SDC1: variants seen among roughly 807,000 people sequenced by gnomAD.
SDC1 encodes the protein syndecan-1.
In SDC1, 14 loss-of-function variants were observed where a neutral mutation model predicts 29.7. That is an observed-to-expected ratio of 0.47 (90% confidence interval 0.31 to 0.74). The LOEUF (loss-of-function observed/expected upper bound fraction) is 0.74. SDC1 is among the 30% of genes least tolerant of loss of function. The pLI is 0.05. For synonymous variants in SDC1, 204 were observed against 175.5 expected (o/e 1.16, Z -1.29); for missense variants, 406 against 400.3 (o/e 1.01, Z -0.12).
chr2:20,225,350 C>A (rs1677959295), upstream of SDC1: 1 of 152,502 alleles, frequency 6.6e-6, no homozygotes, highest in Non-Finnish European at 1.5e-5. Context: ...TTCAGCTCGG[C>A]TGCTCCCTGG....
intron 1 of SDC1, among the ~76,000 whole-genome samples, chr2:20,209,018 A>G (rs757079491): frequency 6.6e-6 from 1 of 152,192 alleles, no homozygotes; most frequent in Admixed American, 6.5e-5. Context: ...CTGGGGGATC[A>G]AGAGGCAACT....
At chr2:20,208,076 G>T (rs1274953761) in intron 1 of SDC1, 2 of 985,314 alleles carry the variant, frequency 2.0e-6, no homozygotes, top group Admixed American at 1.2e-4. Flanking sequence ...GTAGAGTGCC[G>T]AATCTTTCAG....
At chr2:20,203,731 A>G (rs1572458895) in intron 3 of SDC1, 82 bp downstream of exon 3, 1 of 1,034,534 alleles carries the variant, frequency 9.7e-7, no homozygotes, top group Non-Finnish European at 1.4e-6. Flanking sequence ...AGATGCCCGC[A>G]GGGCACAGGT....
rs762932044 is a variant in SDC1 at position 20,202,945 on chromosome 2, GT to G, written c.764-11del. On this transcript the variant is annotated splice_polypyrimidine_tract_variant and intron_variant, in intron 4 of 4. Transcript: ENST00000254351. ...CCTCCGGCAATGACCCCTAGGGCAG[GT>G]AGACGGGGCCAGCTCAGCTCAGCGG... 1.2e-5 allele frequency: 19 copies of G among 1,602,208 alleles called. No homozygotes were observed. The highest frequency in any genetic ancestry group is 1.6e-5 in the Non-Finnish European group (19 of 1,172,432).
In SDC1 at chr2:20,202,708, G is replaced by A; in HGVS notation, c.*58C>T. 17 of 1,505,710 alleles carry A rather than the reference G, an allele frequency of 1.1e-5. No individual in the cohort carries two copies. Among genetic ancestry groups the A allele is most frequent in the Non-Finnish European group, 1.4e-5 (16 of 1,115,356 alleles). The allele number at this position is 1,505,710 out of a possible 1,614,324, so 93.3% of individuals were successfully genotyped here. A position where few individuals can be genotyped will look rare whatever the true frequency, so the allele number is the denominator to read the frequency against. ...AGGCCAGGGCCTGCAGTTCTTCAAG[G>A]AAGAGGCAAGTGGGGGCCTAGTGAG... On this transcript the variant is annotated 3_prime_UTR_variant, in exon 5 of 5. Coordinates refer to ENST00000254351, the MANE Select transcript of SDC1 (RefSeq NM_002997.5).
At chr2:20,210,859 C>T (rs865924158) in intron 1 of SDC1, among the ~76,000 whole-genome samples, 3 of 151,660 alleles carry the variant, frequency 2.0e-5, no homozygotes, top group African/African-American at 7.3e-5. Context: ...GCTGGACACC[C>T]ACCCTCCCCA....
chr2:20,205,247 G>A (rs1474861016), intron 2 of SDC1, 96 bp downstream of exon 2: 1 of 960,480 alleles, frequency 1.0e-6, no homozygotes, highest in Non-Finnish European at 1.7e-6. Flanking sequence ...GGTGCACTCA[G>A]TACATGCTCA....
At chr2:20,207,066 C>T (rs1315333732) in intron 1 of SDC1, among the ~76,000 whole-genome samples, 2 of 152,264 alleles carry the variant, frequency 1.3e-5, no homozygotes, top group Non-Finnish European at 2.9e-5. Context: ...AGAGGCCTTG[C>T]CAGGCCCTGG....
intron 1 of SDC1, chr2:20,207,282 A>G (rs1181724360): frequency 8.9e-6 from 3 of 335,902 alleles, no homozygotes; most frequent in African/African-American, 2.2e-5. Flanking sequence ...GACAAAAGCT[A>G]AACTGTATCT....
intron 1 of SDC1, among the ~76,000 whole-genome samples, chr2:20,210,171 G>A (rs1677419717): frequency 2.0e-5 from 3 of 152,190 alleles, no homozygotes; most frequent in Admixed American, 1.3e-4. Context: ...GTGAAACCCC[G>A]TCTCTACTAA....
At chr2:20,220,013 C>G (rs1677764890) in intron 1 of SDC1, among the ~76,000 whole-genome samples, 1 of 152,230 alleles carries the variant, frequency 6.6e-6, no homozygotes, top group South Asian at 2.1e-4. Flanking sequence ...CTGGGCACCA[C>G]CTGGGGTCTG....
At chr2:20,218,606 C>G (rs542019339) in intron 1 of SDC1, among the ~76,000 whole-genome samples, 1 of 151,068 alleles carries the variant, frequency 6.6e-6, no homozygotes, top group Non-Finnish European at 1.5e-5. Flanking sequence ...CAAATATACA[C>G]GGACGCAGAC....
chr2:20,220,572 A>C (rs1677786021), intron 1 of SDC1, among the ~76,000 whole-genome samples: 1 of 152,232 alleles, frequency 6.6e-6, no homozygotes. Context: ...TTATATCGAC[A>C]GCTAACTTTC....
chr2:20,203,684 C>A (rs1170987983), intron 3 of SDC1, 129 bp downstream of exon 3: 6 of 734,834 alleles, frequency 8.2e-6, no homozygotes, highest in South Asian at 3.7e-5. Flanking sequence ...TAGGGGAAGG[C>A]GGGCCCCTGT....
At chr2:20,223,384 G>T in intron 1 of SDC1, 1 of 955,042 alleles carries the variant, frequency 1.0e-6, no homozygotes, top group East Asian at 6.1e-5. Context: ...TGCCACATTA[G>T]CAGTGGAGAA....
chr2:20,223,524 C>T, intron 1 of SDC1: 1 of 323,940 alleles, frequency 3.1e-6, no homozygotes, highest in Non-Finnish European at 6.1e-6. Flanking sequence ...GCCCCTGGCT[C>T]CGCACCTCCC....
intron 1 of SDC1, among the ~76,000 whole-genome samples, chr2:20,210,416 C>T (rs1677426303): frequency 6.6e-6 from 1 of 152,158 alleles, no homozygotes; most frequent in African/African-American, 2.4e-5. Context: ...AAAGGGGGAG[C>T]TTCAGAGGCT....
chr2:20,216,002 C>T (rs543780826), intron 1 of SDC1, among the ~76,000 whole-genome samples: 2 of 152,368 alleles, frequency 1.3e-5, no homozygotes, highest in African/African-American at 4.8e-5. Context: ...AGAGTGCCCA[C>T]TGCATGCCCA....
At chr2:20,220,985 C>T (rs1243725892) in intron 1 of SDC1, among the ~76,000 whole-genome samples, 1 of 152,112 alleles carries the variant, frequency 6.6e-6, no homozygotes, top group African/African-American at 2.4e-5. Context: ...CAAACCAGGT[C>T]GAGGAACTTG....
Sources: allele counts gnomAD v4.1 joint callset (sites outside exome capture counted in the v4.1 genomes callset), GRCh38; gene constraint gnomAD v4.1.1; transcripts MANE v1.5; gene names NCBI Gene and HGNC (gene_info 2026-07-23, HGNC 2026-07-21).